CRB1: variants seen among roughly 807,000 people sequenced by gnomAD.
CRB1 encodes the protein protein crumbs homolog 1.
A neutral mutation model predicts 120.0 loss-of-function variants in CRB1; 83 were observed. The observed-to-expected ratio is 0.69, with a 90% CI of 0.58 to 0.83. CRB1 has a LOEUF of 0.83. Ranked by LOEUF, CRB1 falls within the 40% of genes least tolerant of loss-of-function variation. The pLI is 0.00. For missense variants in CRB1, 1,699 were observed against 1,687.6 expected, an observed-to-expected ratio of 1.01 and a Z score of -0.12; for synonymous variants, 625 against 612.5, an observed-to-expected ratio of 1.02 and a Z score of -0.30.
At position 197,357,204 on chromosome 1, in the gene CRB1, A is replaced by G. The variant is rs569132678; in HGVS notation, c.1171+191A>G. 5.6e-5 allele frequency: 38 copies of G among 677,376 alleles called. No homozygotes were observed. The African/African-American group carries it at 6.7e-4, about 12-fold the overall frequency. The allele number at this position is 677,376 out of a possible 1,614,324, so 42.0% of individuals were successfully genotyped here. A position where few individuals can be genotyped will look rare whatever the true frequency, so the allele number is the denominator to read the frequency against. On this transcript the variant is annotated intron_variant, in intron 5 of 11. Transcript: ENST00000367400. ...CAGAATTCCTCAAATCACGAGAGAA[A>G]TATTAAAGAGGGATAAAGGAGGAAT...
intron 11 of CRB1, 164 bp from the exon 12 acceptor site, chr1:197,477,500 G>C (rs553469145): frequency 2.5e-5 from 18 of 720,298 alleles, no homozygotes; most frequent in Non-Finnish European, 4.6e-5. Flanking sequence ...TAAATGATTT[G>C]AGAATAAGAA....
the CRB1 span, among the ~76,000 whole-genome samples, chr1:197,216,129 G>C: frequency 6.6e-6 from 1 of 152,062 alleles, no homozygotes; most frequent in East Asian, 1.9e-4. Context: ...TCTTCCTCCA[G>C]TATGTTACCA....
chr1:197,374,590 G>C (rs1661546736), intron 5 of CRB1, among the ~76,000 whole-genome samples: 1 of 152,130 alleles, frequency 6.6e-6, no homozygotes, highest in Non-Finnish European at 1.5e-5. Flanking sequence ...GAATAGGGAG[G>C]GGGAGGAATC....
At chr1:197,277,059 A>G (rs1321632295) in intron 1 of CRB1, among the ~76,000 whole-genome samples, 1 of 151,952 alleles carries the variant, frequency 6.6e-6, no homozygotes, top group African/African-American at 2.4e-5. Context: ...TAATTTCATC[A>G]CAGAATTTGG....
At chr1:197,457,682 G>A (rs1666346919) in intron 11 of CRB1, among the ~76,000 whole-genome samples, 1 of 152,136 alleles carries the variant, frequency 6.6e-6, no homozygotes, top group Non-Finnish European at 1.5e-5. Context: ...AGGGCTGGCG[G>A]TAGGGTAGAA....
At chr1:197,425,077 T>A (rs1664515265) in intron 6 of CRB1, among the ~76,000 whole-genome samples, 1 of 152,192 alleles carries the variant, frequency 6.6e-6, no homozygotes, top group Non-Finnish European at 1.5e-5. Flanking sequence ...GAAGGCATCC[T>A]GGGATGACCA....
chr1:197,251,996 T>C, the CRB1 span, among the ~76,000 whole-genome samples: 7 of 152,024 alleles, frequency 4.6e-5, no homozygotes, highest in African/African-American at 1.7e-4. Flanking sequence ...TTTTTACTTA[T>C]GGCAGTAGGA....
chr1:197,328,355 CAAAG>C, intron 1 of CRB1, 63 bp from the exon 2 acceptor site: 2 of 1,344,634 alleles, frequency 1.5e-6, no homozygotes, highest in South Asian at 1.2e-5. Flanking sequence ...ACAAAGGTCA[CAAAG>C]AAAGATTTTT....
intron 1 of CRB1, among the ~76,000 whole-genome samples, chr1:197,319,427 C>T: frequency 2.0e-5 from 1 of 50,708 alleles, no homozygotes; most frequent in African/African-American, 9.8e-5. Flanking sequence ...AGTGAGACTC[C>T]ATCTCAAAAA....
the CRB1 span, chr1:197,222,838 A>T: frequency 3.3e-6 from 5 of 1,512,688 alleles, no homozygotes; most frequent in South Asian, 5.6e-5. Context: ...CATTCTCCTG[A>T]TTTATATTCA....
chr1:197,358,946 G>A (rs1660630437), intron 5 of CRB1, among the ~76,000 whole-genome samples: 1 of 152,104 alleles, frequency 6.6e-6, no homozygotes, highest in African/African-American at 2.4e-5. Flanking sequence ...CTGGGGATAC[G>A]AACCTAGATC....
intron 4 of CRB1, among the ~76,000 whole-genome samples, chr1:197,349,962 C>A (rs990539326): frequency 6.6e-6 from 1 of 151,410 alleles, no homozygotes; most frequent in Admixed American, 6.6e-5. Flanking sequence ...TAGCCGGGCG[C>A]GGTGGCGGGC....
At chr1:197,338,567 C>G (rs1282199648) in intron 2 of CRB1, among the ~76,000 whole-genome samples, 2 of 151,986 alleles carry the variant, frequency 1.3e-5, no homozygotes, top group African/African-American at 4.8e-5. Flanking sequence ...TTGAAACTGT[C>G]AAGAACATTC....
the CRB1 span, among the ~76,000 whole-genome samples, chr1:197,230,805 G>A: frequency 1.3e-5 from 2 of 152,168 alleles, no homozygotes. Flanking sequence ...TGAATATAGA[G>A]CATGCACTCT....
intron 11 of CRB1, among the ~76,000 whole-genome samples, chr1:197,473,947 C>T (rs1011229886): frequency 4.6e-5 from 7 of 152,032 alleles, no homozygotes; most frequent in Non-Finnish European, 1.0e-4. Flanking sequence ...CACTCTAAAG[C>T]TTAATGACAT....
intron 11 of CRB1, among the ~76,000 whole-genome samples, chr1:197,445,284 A>G (rs988899206): frequency 3.3e-5 from 5 of 152,198 alleles, no homozygotes; most frequent in African/African-American, 1.2e-4. Flanking sequence ...TAAACTAAAC[A>G]GGGCTATGTC....
intron 4 of CRB1, among the ~76,000 whole-genome samples, chr1:197,356,099 C>T (rs2125353044): frequency 6.6e-6 from 1 of 152,330 alleles, no homozygotes; most frequent in Non-Finnish European, 1.5e-5. Context: ...ATCTATATTA[C>T]TAACATGGCT....
At chr1:197,337,081 T>A (rs906148014) in intron 2 of CRB1, among the ~76,000 whole-genome samples, 2 of 152,202 alleles carry the variant, frequency 1.3e-5, no homozygotes, top group African/African-American at 2.4e-5. Flanking sequence ...TCCAAGGCGA[T>A]GAAAAGGTGA....
At chr1:197,474,481 G>T (rs1272115223) in intron 11 of CRB1, among the ~76,000 whole-genome samples, 2 of 152,142 alleles carry the variant, frequency 1.3e-5, no homozygotes. Flanking sequence ...TGAAGGACTT[G>T]GTTCCTCAGG....
Sources: allele counts gnomAD v4.1 joint callset (sites outside exome capture counted in the v4.1 genomes callset), GRCh38; gene constraint gnomAD v4.1.1; transcripts MANE v1.5; gene names NCBI Gene and HGNC (gene_info 2026-07-23, HGNC 2026-07-21).